The following ABCB11 variants were observed in gnomAD, a reference collection of about 807,000 sequenced individuals.
ABCB11 encodes bile salt export pump.
A neutral mutation model predicts 148.0 loss-of-function variants in ABCB11; 95 were observed. The observed-to-expected ratio is 0.64, with a 90% confidence interval of 0.54 to 0.76. ABCB11 has a LOEUF of 0.76. Ranked by LOEUF, ABCB11 falls within the 30% of genes least tolerant of loss-of-function variation. The pLI is 0.00. For synonymous variants in ABCB11, 591 were observed against 555.4 expected (o/e 1.06, Z -0.90); for missense variants, 1,523 against 1,617.8 (o/e 0.94, Z 1.01).
chr2:168,948,960 G>T (rs1442668251), intron 19 of ABCB11, among the ~76,000 whole-genome samples: 2 of 151,600 alleles, frequency 1.3e-5, no homozygotes, highest in Non-Finnish European at 3.0e-5. Flanking sequence ...GTGAGAGAAA[G>T]AAATGGAGTA....
chr2:168,944,932 T>C lies in ABCB11; in HGVS notation c.2373A>G (p.Gln791=), dbSNP rs1405231583. 1.3e-6 allele frequency: 2 copies of C among 1,563,504 alleles called. No individual in the cohort carries two copies. Among genetic ancestry groups the C allele is most frequent in the Admixed American group, 1.9e-5 (1 of 53,060 alleles). ...GGCACACACCATTGATCTGTGACCT[T>C]TGTTCCTCTTTATCAGGAATTGAAA... ...GTFSIPDKEE[Q]RSQINGVCLL... The change falls in exon 20 of 28, where the codon CAA becomes CAG. Residue 791 remains glutamine, a synonymous_variant. Transcript: ENST00000650372.
At chr2:168,920,324 T>TTCATATTCTTCAATTGG (rs1691036936), downstream of ABCB11, among the ~76,000 whole-genome samples, 3 of 152,158 alleles carry the variant, frequency 2.0e-5, no homozygotes, top group Admixed American at 2.0e-4. Flanking sequence ...AGCTTGGAAA[T>TTCATATTCTTCAATTGG]TCATATTCTT....
intron 4 of ABCB11, 43 bp from the exon 5 acceptor site, chr2:169,013,553 C>G (rs1361517754): frequency 2.6e-6 from 4 of 1,526,282 alleles, no homozygotes; most frequent in Admixed American, 3.5e-5. Flanking sequence ...GGGTGAAGAG[C>G]AGGAGAGGTA....
At chr2:168,946,447 A>G (rs1393683723) in intron 19 of ABCB11, among the ~76,000 whole-genome samples, 1 of 151,800 alleles carries the variant, frequency 6.6e-6, no homozygotes, top group Non-Finnish European at 1.5e-5. Context: ...ATGAGATTTT[A>G]CTGTTTGTAG....
At position 168,981,153 on chromosome 2, in the gene ABCB11, C is replaced by T. The variant is rs1373404358; in HGVS notation, c.1084-1174G>A. Among the ~76,000 whole-genome samples, 5 of 152,186 alleles carry T rather than the reference C, an allele frequency of 3.3e-5. No homozygotes were observed. In the East Asian group the frequency reaches 7.7e-4, roughly 24 times the overall value. Reference sequence around the variant, plus strand: ...AATTGCCTGAGTCTCTCCTGCTTCTCTTTCTTCCTTGTGGCTGGAGTGTCT... The same window carrying T: ...AATTGCCTGAGTCTCTCCTGCTTCTTTTTCTTCCTTGTGGCTGGAGTGTCT... On this transcript the variant is annotated intron_variant, in intron 10 of 27. Transcript: ENST00000650372.
Position 168,930,550 on chromosome 2 carries a change from T to G in ABCB11, c.3411+115A>C, listed in dbSNP as rs184009567. On this transcript the variant is annotated intron_variant, in intron 25 of 27. Transcript: ENST00000650372. The stretch of plus-strand genomic sequence containing the variant: ...GACTGGAAAATATGCATGGGGTAAG[T>G]GCCTTAGGCAAGCATTTTAAAGTGA... The G allele has an allele frequency of 1.1e-3, 845 of 747,904 alleles. 12 individuals are homozygous for G. In the East Asian group the frequency reaches 0.024, roughly 22 times the overall value. 46.3% of individuals were successfully genotyped at this position (747,904 alleles called of 1,614,324 possible).
chr2:168,980,992 T>A (rs1438243891), intron 10 of ABCB11, among the ~76,000 whole-genome samples: 1 of 152,186 alleles, frequency 6.6e-6, no homozygotes, highest in Non-Finnish European at 1.5e-5. Context: ...AGAGGATGTT[T>A]CATTGGCCAC....
At chr2:168,932,836 G>A (rs72886717) in intron 23 of ABCB11, among the ~76,000 whole-genome samples, 12 of 152,074 alleles carry the variant, frequency 7.9e-5, no homozygotes, top group African/African-American at 2.4e-4. Context: ...TTGGCCAGGC[G>A]CGGTGGCTCA....
At chr2:168,962,914 T>G (rs1335112041) in intron 18 of ABCB11, among the ~76,000 whole-genome samples, 1 of 151,746 alleles carries the variant, frequency 6.6e-6, no homozygotes, top group Non-Finnish European at 1.5e-5. Context: ...TCCATGGAAT[T>G]TATTTAAAGC....
chr2:168,998,514 A>C (rs1694782848), intron 5 of ABCB11, among the ~76,000 whole-genome samples: 1 of 152,148 alleles, frequency 6.6e-6, no homozygotes, highest in Admixed American at 6.6e-5. Context: ...ATTCGATTTG[A>C]TCATTACACA....
chr2:168,973,627 T>G, intron 13 of ABCB11, 88 bp downstream of exon 13: 1 of 1,485,390 alleles, frequency 6.7e-7, no homozygotes, highest in Non-Finnish European at 9.2e-7. Flanking sequence ...ACAGTCTCAA[T>G]GTATGCTACA....
At chr2:169,016,564 A>G (rs1023237707) in intron 3 of ABCB11, among the ~76,000 whole-genome samples, 30 of 152,184 alleles carry the variant, frequency 2.0e-4, no homozygotes, top group Admixed American at 1.1e-3. Context: ...TCCTGAATAC[A>G]GAGGGGACAT....
intron 9 of ABCB11, among the ~76,000 whole-genome samples, chr2:168,987,343 C>T (rs1396829701): frequency 6.6e-6 from 1 of 152,078 alleles, no homozygotes; most frequent in Non-Finnish European, 1.5e-5. Context: ...AACAAAATTA[C>T]ATTTTGGACA....
chr2:169,014,417 A>AG (rs1695291924), intron 3 of ABCB11, 63 bp from the exon 4 acceptor site: 1 of 1,491,178 alleles, frequency 6.7e-7, no homozygotes, highest in African/African-American at 1.4e-5. Flanking sequence ...AATTCTCCCT[A>AG]GGTGGTGATT....
chr2:168,919,998 G>A (rs1458949344), downstream of ABCB11, among the ~76,000 whole-genome samples: 3 of 151,742 alleles, frequency 2.0e-5, 1 homozygote, highest in South Asian at 4.2e-4. Context: ...TCAGCTTCCC[G>A]AGTGGCTCAT....
intron 21 of ABCB11, among the ~76,000 whole-genome samples, chr2:168,943,750 T>A (rs1228654638): frequency 8.9e-6 from 1 of 112,532 alleles, no homozygotes; most frequent in Non-Finnish European, 2.0e-5. Context: ...GGTTAAACTG[T>A]CTAGGAGTTG....
chr2:168,945,004 GAAAA>G, intron 19 of ABCB11, 43 bp from the exon 20 acceptor site: 2 of 1,303,346 alleles, frequency 1.5e-6, no homozygotes, highest in Non-Finnish European at 2.1e-6. Context: ...ATTATAAATA[GAAAA>G]ATAAATCTAT....
chr2:169,015,466 C>T (rs910703084), intron 3 of ABCB11, among the ~76,000 whole-genome samples: 1 of 152,122 alleles, frequency 6.6e-6, no homozygotes, highest in Non-Finnish European at 1.5e-5. Flanking sequence ...TAGTTCTCAA[C>T]ACCCCACTTG....
intron 21 of ABCB11, among the ~76,000 whole-genome samples, chr2:168,937,153 C>T (rs748135013): frequency 1.3e-5 from 2 of 152,192 alleles, no homozygotes; most frequent in Non-Finnish European, 2.9e-5. Context: ...TCCCATAGTG[C>T]TGGGATTGCA....
Sources: allele counts gnomAD v4.1 joint callset (sites outside exome capture counted in the v4.1 genomes callset), GRCh38; gene constraint gnomAD v4.1.1; transcripts MANE v1.5; gene names NCBI Gene and HGNC (gene_info 2026-07-23, HGNC 2026-07-21).